ROR1: variants seen among roughly 807,000 people sequenced by gnomAD.
The protein encoded by ROR1 is inactive tyrosine-protein kinase transmembrane receptor ROR1.
A neutral mutation model predicts 78.8 loss-of-function variants in ROR1; 19 were observed. The ratio of observed to expected loss-of-function variants is 0.24; its 90% CI spans 0.17 to 0.35. The LOEUF is 0.35. Among genes scored for constraint, ROR1 ranks in the 10% least tolerant of loss-of-function variants. The pLI, the probability that ROR1 is intolerant of heterozygous loss-of-function variation, is 1.00. For synonymous variants in ROR1, 386 were observed against 433.6 expected, an observed-to-expected ratio of 0.89 and a Z score of 1.36; for missense variants, 917 against 1,177.8, an observed-to-expected ratio of 0.78 and a Z score of 3.24.
At chr1:64,066,625 T>G (rs1331796731) in intron 4 of ROR1, 1 of 152,278 alleles carries the variant, frequency 6.6e-6, no homozygotes, top group Non-Finnish European at 1.5e-5. Context: ...AAACTCACTT[T>G]TAAGCCACAT....
intron 8 of ROR1, among the ~76,000 whole-genome samples, chr1:64,168,144 T>C (rs1650135838): frequency 6.6e-6 from 1 of 152,216 alleles, no homozygotes; most frequent in Non-Finnish European, 1.5e-5. Context: ...TTAAGCACTT[T>C]ATGTCCGAGA....
At chr1:64,119,981 T>C (rs11804422) in intron 4 of ROR1, among the ~76,000 whole-genome samples, 46,224 of 152,046 alleles carry the variant, frequency 0.3, 7,455 homozygotes, top group African/African-American at 0.34. Context: ...TAAGAAAAGG[T>C]GAACTTTCAA....
At chr1:64,116,476 C>T (rs1438750026) in intron 4 of ROR1, among the ~76,000 whole-genome samples, 1 of 152,066 alleles carries the variant, frequency 6.6e-6, no homozygotes, top group Admixed American at 6.6e-5. Flanking sequence ...TGAGTATTAC[C>T]TCAAAAAGTA....
chr1:64,125,059 C>G (rs1023848421), intron 4 of ROR1, among the ~76,000 whole-genome samples: 4 of 152,116 alleles, frequency 2.6e-5, no homozygotes, highest in Admixed American at 2.6e-4. Flanking sequence ...GGAAGTCACT[C>G]TCCTGGAAAG....
intron 2 of ROR1, among the ~76,000 whole-genome samples, chr1:64,019,095 G>T (rs892260804): frequency 3.9e-5 from 6 of 152,178 alleles, no homozygotes; most frequent in Non-Finnish European, 5.9e-5. Context: ...CTGGTGTATA[G>T]CCTGTGATTT....
chr1:63,969,609 A>G lies in ROR1; in HGVS notation c.92-39696A>G, dbSNP rs370307616. Among the ~76,000 whole-genome samples, 5 of 151,958 alleles carry G rather than the reference A, an allele frequency of 3.3e-5. 1 individual carries two copies. In the East Asian group the frequency reaches 9.7e-4, roughly 30 times the overall value. ...TCTCCTGTGTTTCCTGTCCCCATGA[A>G]TGGCCCCATTGTCCATCCAGTGTCC... On this transcript the variant is annotated intron_variant, in intron 1 of 8. Transcript: ENST00000371079.
intron 7 of ROR1, among the ~76,000 whole-genome samples, chr1:64,147,662 C>A (rs1055042639): frequency 1.3e-5 from 2 of 151,920 alleles, no homozygotes; most frequent in Admixed American, 6.6e-5. Flanking sequence ...TTTCTCATTT[C>A]ATTGTCACAA....
intron 1 of ROR1, among the ~76,000 whole-genome samples, chr1:63,967,667 G>A (rs575800517): frequency 2.0e-5 from 3 of 152,178 alleles, no homozygotes; most frequent in Non-Finnish European, 4.4e-5. Flanking sequence ...AAAGTGACCT[G>A]CCCCAGTCCT....
At position 64,164,366 on chromosome 1, in the gene ROR1, G is replaced by A. The variant is rs531289109; in HGVS notation, c.1386+5174G>A. Among the ~76,000 whole-genome samples, 6 of 152,320 alleles carry A rather than the reference G, an allele frequency of 3.9e-5. No individual in the cohort carries two copies. The South Asian group carries it at 1.2e-3, about 32-fold the overall frequency. On this transcript the variant is annotated intron_variant, in intron 8 of 8. Coordinates refer to ENST00000371079, the MANE Select transcript of ROR1 (RefSeq NM_005012.4). The stretch of plus-strand genomic sequence containing the variant: ...CTGATACACTTCAAAGAGCAAGAGT[G>A]TAGAGACAAAGAGATATGATTACAA...
intron 1 of ROR1, among the ~76,000 whole-genome samples, chr1:63,788,481 T>C (rs1644705340): frequency 1.3e-5 from 2 of 152,058 alleles, no homozygotes; most frequent in Non-Finnish European, 1.5e-5. Flanking sequence ...TTAAATTCAA[T>C]GTAATTAAGT....
intron 1 of ROR1, among the ~76,000 whole-genome samples, chr1:63,868,130 T>TTTTTTG (rs1645228392): frequency 6.6e-6 from 1 of 152,014 alleles, no homozygotes; most frequent in African/African-American, 2.4e-5. Flanking sequence ...TAGCGCAGTT[T>TTTTTTG]TTGTTGTTGT....
At chr1:64,047,047 G>A (rs115089457) in intron 2 of ROR1, among the ~76,000 whole-genome samples, 1,997 of 152,270 alleles carry the variant, frequency 0.013, 42 homozygotes, top group African/African-American at 0.046. Context: ...CTGAGCCTGA[G>A]GATTAAAGGC....
At chr1:64,016,101 C>G (rs1230382946) in intron 2 of ROR1, among the ~76,000 whole-genome samples, 5 of 152,140 alleles carry the variant, frequency 3.3e-5, no homozygotes, top group African/African-American at 1.2e-4. Flanking sequence ...GGTTCTAGTT[C>G]CAGCTCAGCT....
chr1:64,085,704 GCAGTGCA>G (rs1450659738), intron 4 of ROR1, among the ~76,000 whole-genome samples: 1 of 152,144 alleles, frequency 6.6e-6, no homozygotes, highest in Non-Finnish European at 1.5e-5. Flanking sequence ...AAAGACAGCT[GCAGTGCA>G]CAGAGCTTCC....
Position 63,931,748 on chromosome 1 carries a change from A to G in ROR1, c.92-77557A>G, listed in dbSNP as rs115399985. ...CCTCACAGTGTATACTCATCTTGGT[A>G]TCACAGTGCTTGTGTTTGAGTAACT... On this transcript the variant is annotated intron_variant, in intron 1 of 8. Coordinates refer to ENST00000371079, the MANE Select transcript of ROR1 (RefSeq NM_005012.4). 1.0e-3 allele frequency among the ~76,000 whole-genome samples: 158 copies of G among 152,298 alleles called. 1 individual carries two copies. Among genetic ancestry groups the G allele is most frequent in the African/African-American group, 3.7e-3 (153 of 41,562 alleles).
At chr1:63,839,341 ATATCATC>A (rs1423436730) in intron 1 of ROR1, among the ~76,000 whole-genome samples, 3 of 145,066 alleles carry the variant, frequency 2.1e-5, no homozygotes, top group African/African-American at 5.2e-5. Flanking sequence ...GTCTGTCTCC[ATATCATC>A]TATCTATCTA....
intron 5 of ROR1, 49 bp downstream of exon 5, chr1:64,137,545 C>G: frequency 1.3e-6 from 2 of 1,581,652 alleles, no homozygotes; most frequent in South Asian, 2.3e-5. Flanking sequence ...AACTATTTTT[C>G]TCGCCAAAAG....
intron 1 of ROR1, among the ~76,000 whole-genome samples, chr1:63,805,004 A>G (rs1644820103): frequency 6.6e-6 from 1 of 152,190 alleles, no homozygotes; most frequent in Non-Finnish European, 1.5e-5. Context: ...TCAGTAATGC[A>G]TTTAGTCCCT....
At chr1:64,134,094 C>T (rs1649020092) in intron 4 of ROR1, among the ~76,000 whole-genome samples, 1 of 152,186 alleles carries the variant, frequency 6.6e-6, no homozygotes, top group South Asian at 2.1e-4. Context: ...GTTAGAAACA[C>T]TATTTAGAGC....
Sources: gnomAD v4.1 joint callset for allele counts (sites outside exome capture counted in the v4.1 genomes callset) on GRCh38, gnomAD v4.1.1 for gene constraint, MANE v1.5 for transcripts, NCBI Gene and HGNC (gene_info 2026-07-23, HGNC 2026-07-21) for gene names.